MAP2: variants seen among roughly 807,000 people sequenced by gnomAD.
The protein encoded by MAP2 is microtubule-associated protein 2.
MAP2 carries 14 observed loss-of-function variants against 137.6 expected under a neutral mutation model. The observed-to-expected ratio is 0.10, with a 90% CI of 0.07 to 0.16. MAP2 has a LOEUF of 0.16. Ranked by LOEUF, MAP2 falls within the 10% of genes least tolerant of loss-of-function variation. MAP2 has a pLI of 1.00. For synonymous variants in MAP2, 786 were observed against 782.3 expected (o/e 1.00, Z -0.08); for missense variants, 2,088 against 2,191.5 (o/e 0.95, Z 0.94).
rs1432449847 is a variant in MAP2, at chr2:209,695,937, A to T, written c.3767A>T (p.Gln1256Leu). ...DKLLFRSDTL[Q>L]ITDLGVSGAR... ...CTGCTCTTCCGCTCAGACACCCTTC[A>T]GATAACTGACCTGGGTGTCTCAGGT... The change falls in exon 8 of 16, where the codon CAG becomes CTG. Residue 1256 changes from glutamine to leucine, a missense_variant. Physicochemically the swap from Gln to Leu is moderately radical, Grantham distance 113 (BLOSUM62 -2). Coordinates refer to ENST00000682079, the MANE Select transcript of MAP2 (RefSeq NM_001375505.1). 6.2e-7 allele frequency: 1 copy of T among 1,613,958 alleles called. No individual in the cohort carries two copies. The highest frequency in any genetic ancestry group is 2.2e-5 in the East Asian group (1 of 44,876).
In MAP2 at chr2:209,490,519, G is replaced by C. The variant is rs146434377; in HGVS notation, c.-221-17073G>C. 1.1e-3 allele frequency among the ~76,000 whole-genome samples: 153 copies of C among 143,248 alleles called. 6 individuals carry two copies. The East Asian group carries it at 0.03, about 28-fold the overall frequency. 94.0% of individuals were successfully genotyped at this position (143,248 alleles called of 152,430 possible). On this transcript the variant is annotated intron_variant, in intron 1 of 15. Coordinates refer to ENST00000682079, the MANE Select transcript of MAP2 (RefSeq NM_001375505.1). The stretch of plus-strand genomic sequence containing the variant: ...AAGAGTCAAGACCCGCTGGTGTGCT[G>C]CATTCAGGAGACCCATCTCGTGTGC...
intron 12 of MAP2, among the ~76,000 whole-genome samples, chr2:209,707,619 C>A (rs1043849908): frequency 6.6e-5 from 10 of 152,108 alleles, no homozygotes; most frequent in African/African-American, 2.4e-4. Context: ...AAAGAAATAT[C>A]TTAAAAGTTG....
At chr2:209,557,666 G>C (rs1336428502) in intron 2 of MAP2, among the ~76,000 whole-genome samples, 1 of 152,190 alleles carries the variant, frequency 6.6e-6, no homozygotes, top group Non-Finnish European at 1.5e-5. Flanking sequence ...TGAAGAGTGA[G>C]AATGAGCCAG....
chr2:209,693,996 T>C lies in MAP2; in HGVS notation c.1826T>C (p.Met609Thr). The C allele has an allele frequency of 6.2e-7, 1 of 1,614,042 alleles. No individual in the cohort carries two copies. The highest frequency in any genetic ancestry group is 8.5e-7 in the Non-Finnish European group (1 of 1,179,984). ...AGTGTCCATGAGTCTATTGATACCA[T>C]GTCTCCCATGCATAAAAATGGTGAC... The part of the protein sequence containing the change: ...RESVHESIDT[M>T]SPMHKNGDKE... Residue 609 changes from methionine (M) to threonine (T), a missense_variant, in exon 8 of 16, where the codon ATG (methionine) becomes ACG (threonine). Coordinates refer to ENST00000682079, the MANE Select transcript of MAP2 (RefSeq NM_001375505.1).
chr2:209,468,317 C>CTTTT lies in MAP2; in HGVS notation c.-221-39257_-221-39254dup, dbSNP rs11450792. Among the ~76,000 whole-genome samples, 514 of 88,470 alleles carry CTTTT rather than the reference C, an allele frequency of 5.8e-3. 5 individuals carry two copies. The highest frequency in any genetic ancestry group is 7.6e-3 in the Non-Finnish European group (378 of 49,784). 58.0% of individuals were successfully genotyped at this position (88,470 alleles called of 152,430 possible). A position where few individuals can be genotyped will look rare whatever the true frequency, so the allele number is the denominator to read the frequency against. Reference sequence around the variant, plus strand: ...GGAGGATTTTTTCAGTTTAGTGTTTCTTTTTTTTTTTTTTTTTTTTTGAGA... The same window carrying CTTTT: ...GGAGGATTTTTTCAGTTTAGTGTTTCTTTTTTTTTTTTTTTTTTTTTTTTTGAGA... On this transcript the variant is annotated intron_variant, in intron 1 of 15. Transcript: ENST00000682079.
chr2:209,589,425 A>G (rs2078655312), intron 3 of MAP2, among the ~76,000 whole-genome samples: 1 of 152,226 alleles, frequency 6.6e-6, no homozygotes, highest in Admixed American at 6.5e-5. Context: ...GCTAAAGCAG[A>G]TAAATGAGTG....
chr2:209,510,738 A>T (rs186284341), intron 2 of MAP2, among the ~76,000 whole-genome samples: 1 of 152,102 alleles, frequency 6.6e-6, no homozygotes, highest in African/African-American at 2.4e-5. Flanking sequence ...TCTAAACAGC[A>T]TAACTTGTTT....
At chr2:209,532,876 A>G (rs180722762) in intron 2 of MAP2, among the ~76,000 whole-genome samples, 1 of 152,262 alleles carries the variant, frequency 6.6e-6, no homozygotes, top group Non-Finnish European at 1.5e-5. Context: ...GGTGATTTTC[A>G]TGTATCTTAA....
At chr2:209,467,439 C>CT (rs545461854) in intron 1 of MAP2, among the ~76,000 whole-genome samples, 53 of 152,234 alleles carry the variant, frequency 3.5e-4, no homozygotes, top group African/African-American at 1.3e-3. Context: ...TTAAAATATA[C>CT]TTTTTTAGAT....
chr2:209,564,701 T>G (rs1183873428), intron 2 of MAP2, among the ~76,000 whole-genome samples: 1 of 152,130 alleles, frequency 6.6e-6, no homozygotes, highest in Non-Finnish European at 1.5e-5. Flanking sequence ...GTGGTTGTTT[T>G]GAACCACAGA....
Position 209,692,790 on chromosome 2 carries a change from A to C in MAP2, c.620A>C (p.Tyr207Ser). 1 of 1,613,826 alleles carries C rather than the reference A, an allele frequency of 6.2e-7. No homozygotes were observed. Among genetic ancestry groups the C allele is most frequent in the Non-Finnish European group, 8.5e-7 (1 of 1,179,908 alleles). Residue 207 changes from tyrosine (Y) to serine (S), a missense_variant, in exon 8 of 16, where the codon TAC becomes TCC. Physicochemically the swap from Tyr to Ser is moderately radical, Grantham distance 144 (BLOSUM62 -2). Coordinates refer to ENST00000682079, the MANE Select transcript of MAP2 (RefSeq NM_001375505.1). ...TCTCAGCCAGAGACAACTAAAACTT[A>C]CCCTGATAAAAAGGACATGCAAGGC... Reference protein sequence around the residue: ...LVSQPETTKTYPDKKDMQGTE... With the variant: ...LVSQPETTKTSPDKKDMQGTE...
intron 2 of MAP2, among the ~76,000 whole-genome samples, chr2:209,514,588 TA>T (rs1167057890): frequency 1.3e-5 from 2 of 152,146 alleles, no homozygotes; most frequent in Non-Finnish European, 2.9e-5. Context: ...TTTATGTCAT[TA>T]AAAAGTATTA....
chr2:209,593,701 ATTATATT>A (rs1289257062), intron 3 of MAP2, among the ~76,000 whole-genome samples: 1 of 91,054 alleles, frequency 1.1e-5, no homozygotes. Context: ...TATATATTAT[ATTATATT>A]TTATATTATA....
intron 1 of MAP2, among the ~76,000 whole-genome samples, chr2:209,430,466 G>C (rs553944324): frequency 2.8e-4 from 42 of 152,066 alleles, no homozygotes; most frequent in Non-Finnish European, 4.9e-4. Context: ...TATGCAATCA[G>C]TTGATTCCAC....
intron 5 of MAP2, among the ~76,000 whole-genome samples, chr2:209,674,911 A>G (rs1402747227): frequency 6.6e-6 from 1 of 151,784 alleles, no homozygotes; most frequent in Admixed American, 6.6e-5. Context: ...TGAGGCTTCC[A>G]ATGAGAGAAG....
intron 1 of MAP2, among the ~76,000 whole-genome samples, chr2:209,484,993 A>G (rs1199888484): frequency 6.6e-6 from 1 of 152,188 alleles, no homozygotes; most frequent in Non-Finnish European, 1.5e-5. Flanking sequence ...CCATGTCTGC[A>G]ACTGTGGCAG....
chr2:209,574,235 G>T (rs2074925528), intron 2 of MAP2, among the ~76,000 whole-genome samples: 1 of 152,008 alleles, frequency 6.6e-6, no homozygotes, highest in South Asian at 2.1e-4. Flanking sequence ...CCTGTCACTG[G>T]TAACCACAGT....
At chr2:209,648,487 C>A (rs1042807191) in intron 4 of MAP2, among the ~76,000 whole-genome samples, 1 of 151,904 alleles carries the variant, frequency 6.6e-6, no homozygotes, top group Admixed American at 6.6e-5. Context: ...AAGTAAGATT[C>A]CCATTGCAAT....
chr2:209,693,218 A>C lies in MAP2; in HGVS notation c.1048A>C (p.Lys350Gln), dbSNP rs759857833. The change falls in exon 8 of 16, where the codon AAA (lysine) becomes CAA (glutamine). Residue 350 changes from lysine (K) to glutamine (Q), a missense_variant. Transcript: ENST00000682079. Reference protein sequence around the residue: ...FAPAFLQPDDKKSLQQTSGPA... With the variant: ...FAPAFLQPDDQKSLQQTSGPA... ...CCCTGCCTTTTTACAGCCAGATGACAAAAAATCTCTGCAACAAACCAGTGG... is the reference window on the plus strand; with the variant it reads ...CCCTGCCTTTTTACAGCCAGATGACCAAAAATCTCTGCAACAAACCAGTGG... The C allele has an allele frequency of 6.2e-7, 1 of 1,613,324 alleles. No homozygotes were observed. Among genetic ancestry groups the C allele is most frequent in the African/African-American group, 1.3e-5 (1 of 74,928 alleles).
Sources: gnomAD v4.1 joint callset for allele counts (sites outside exome capture counted in the v4.1 genomes callset) on GRCh38, gnomAD v4.1.1 for gene constraint, MANE v1.5 for transcripts, NCBI Gene and HGNC (gene_info 2026-07-23, HGNC 2026-07-21) for gene names.